CBLB: variants seen among roughly 807,000 people sequenced by gnomAD.
The protein encoded by CBLB is E3 ubiquitin-protein ligase CBL-B.
A neutral mutation model predicts 104.9 loss-of-function variants in CBLB; 31 were observed. That is an observed-to-expected ratio of 0.30 (90% CI 0.22 to 0.40). The LOEUF (loss-of-function observed/expected upper bound fraction) is 0.40, where lower values mean the gene tolerates loss of function less well. CBLB is among the 10% of genes least tolerant of loss of function. CBLB has a pLI of 1.00. For synonymous variants in CBLB, 440 were observed against 422.6 expected, an observed-to-expected ratio of 1.04 and a Z score of -0.51; for missense variants, 1,062 against 1,214.6, an observed-to-expected ratio of 0.87 and a Z score of 1.87.
intron 4 of CBLB, among the ~76,000 whole-genome samples, chr3:105,755,809 G>C (rs1025086165): frequency 1.3e-5 from 2 of 152,154 alleles, no homozygotes; most frequent in Non-Finnish European, 2.9e-5. Flanking sequence ...AGCAGCCAAA[G>C]GCCCATCCAC....
At chr3:105,726,643 A>T (rs1418750069) in intron 9 of CBLB, among the ~76,000 whole-genome samples, 4 of 151,188 alleles carry the variant, frequency 2.6e-5, no homozygotes, top group African/African-American at 7.3e-5. Context: ...CATGGTGGTT[A>T]GCTGCACCTA....
chr3:105,740,106 A>AC (rs2075377501), intron 7 of CBLB, among the ~76,000 whole-genome samples: 1 of 5,916 alleles, frequency 1.7e-4, no homozygotes, highest in South Asian at 0.033. Flanking sequence ...CATCTCAAAA[A>AC]AAAAAAAGAA....
At chr3:105,800,167 T>C (rs947193454) in intron 3 of CBLB, among the ~76,000 whole-genome samples, 2 of 152,094 alleles carry the variant, frequency 1.3e-5, no homozygotes, top group African/African-American at 4.8e-5. Context: ...CGGTGGTCAG[T>C]GGTTTTCAAA....
chr3:105,806,887 C>T (rs912863529), intron 3 of CBLB, among the ~76,000 whole-genome samples: 1 of 152,080 alleles, frequency 6.6e-6, no homozygotes, highest in Non-Finnish European at 1.5e-5. Flanking sequence ...TTCATTGTTG[C>T]TTCCAAAACT....
intron 3 of CBLB, among the ~76,000 whole-genome samples, chr3:105,837,788 G>A (rs1206454050): frequency 5.3e-5 from 8 of 151,670 alleles, no homozygotes; most frequent in African/African-American, 1.5e-4. Flanking sequence ...TTCTAAAATC[G>A]CCAGTACTCA....
Position 105,704,578 on chromosome 3 carries a change from A to G in CBLB, c.1408-405T>C, listed in dbSNP as rs181932744. ...TCGAGCTTTGTACATTCTAATACTTAGCTATTGCTTTGTTCCAAACATGTA... is the reference window on the plus strand; with the variant it reads ...TCGAGCTTTGTACATTCTAATACTTGGCTATTGCTTTGTTCCAAACATGTA... On this transcript the variant is annotated intron_variant, in intron 10 of 18. Coordinates refer to ENST00000394030, the MANE Select transcript of CBLB (RefSeq NM_170662.5). Among the ~76,000 whole-genome samples, 1,508 of 152,268 alleles carry G rather than the reference A, an allele frequency of 9.9e-3. 21 individuals are homozygous for G. The highest frequency in any genetic ancestry group is 0.026 in the South Asian group (127 of 4,822).
chr3:105,663,816 G>C (rs1458882691), intron 18 of CBLB, among the ~76,000 whole-genome samples: 1 of 151,562 alleles, frequency 6.6e-6, no homozygotes, highest in Admixed American at 6.6e-5. Flanking sequence ...AAAGAGCCAT[G>C]GTACATAGAG....
At chr3:105,751,362 G>A in intron 5 of CBLB, 100 bp downstream of exon 5, 1 of 768,310 alleles carries the variant, frequency 1.3e-6, no homozygotes, top group Non-Finnish European at 2.3e-6. Flanking sequence ...GTTTGTTTAT[G>A]TGTGTGTGTG....
chr3:105,738,709 T>C (rs1342950546), intron 7 of CBLB, among the ~76,000 whole-genome samples: 1 of 152,028 alleles, frequency 6.6e-6, no homozygotes, highest in Non-Finnish European at 1.5e-5. Flanking sequence ...TTAAAGTATA[T>C]TTTCTTAAAA....
intron 3 of CBLB, among the ~76,000 whole-genome samples, chr3:105,803,875 C>G (rs1234967392): frequency 6.6e-6 from 1 of 152,100 alleles, no homozygotes; most frequent in Admixed American, 6.5e-5. Flanking sequence ...ATACTGTCAA[C>G]TGGAAACAGT....
intron 3 of CBLB, among the ~76,000 whole-genome samples, chr3:105,803,610 C>G (rs1440377071): frequency 6.6e-6 from 1 of 152,122 alleles, no homozygotes; most frequent in Non-Finnish European, 1.5e-5. Flanking sequence ...TCCTCGAAAT[C>G]TATGAAGTAA....
At chr3:105,761,487 T>A (rs948110791) in intron 4 of CBLB, among the ~76,000 whole-genome samples, 1 of 152,208 alleles carries the variant, frequency 6.6e-6, no homozygotes, top group African/African-American at 2.4e-5. Flanking sequence ...ATTCTTGTGG[T>A]AGTAAATAAG....
chr3:105,681,311 G>T, intron 16 of CBLB, 168 bp downstream of exon 16: 1 of 650,914 alleles, frequency 1.5e-6, no homozygotes, highest in Non-Finnish European at 2.7e-6. Context: ...TCTACATGGA[G>T]TAATGGTCTC....
At chr3:105,727,234 T>G (rs1242315443) in intron 9 of CBLB, among the ~76,000 whole-genome samples, 1 of 152,238 alleles carries the variant, frequency 6.6e-6, no homozygotes, top group Non-Finnish European at 1.5e-5. Context: ...GACTTTTCAA[T>G]GATCGCCATT....
intron 3 of CBLB, among the ~76,000 whole-genome samples, chr3:105,849,788 A>C (rs1055759138): frequency 4.6e-5 from 7 of 152,150 alleles, no homozygotes; most frequent in Admixed American, 1.3e-4. Context: ...TTAATGGATG[A>C]CTTGGCTGGA....
At position 105,681,579 on chromosome 3, in the gene CBLB, C is replaced by A. The variant is rs765904011; in HGVS notation, c.2328G>T (p.Val776=). ...TTGGAGGCCTGGCAGGTGGTAATGG[C>A]ACGGGATCAGAGGCTGAATCAAAAA... ...GDVFDSASDP[V]PLPPARPPTR... Residue 776 remains valine (V), a synonymous_variant, in exon 16 of 19, where the codon GTG becomes GTT. Transcript: ENST00000394030. 1.2e-6 allele frequency: 2 copies of A among 1,614,058 alleles called. No homozygotes were observed. Among genetic ancestry groups the A allele is most frequent in the South Asian group, 2.2e-5 (2 of 91,072 alleles).
chr3:105,807,601 T>C (rs1245386938), intron 3 of CBLB, among the ~76,000 whole-genome samples: 1 of 152,118 alleles, frequency 6.6e-6, no homozygotes, highest in Non-Finnish European at 1.5e-5. Context: ...TCATACATTT[T>C]TATATACATT....
intron 3 of CBLB, among the ~76,000 whole-genome samples, chr3:105,814,844 T>C (rs1431983055): frequency 6.6e-6 from 1 of 151,812 alleles, no homozygotes; most frequent in Non-Finnish European, 1.5e-5. Context: ...AGAAAATCCA[T>C]AGTCTAAGAT....
chr3:105,669,581 G>T (rs867154337), intron 18 of CBLB, among the ~76,000 whole-genome samples: 1 of 152,236 alleles, frequency 6.6e-6, no homozygotes. Flanking sequence ...TAGCAGACGA[G>T]ACAGATAACC....
Sources: allele counts gnomAD v4.1 joint callset (sites outside exome capture counted in the v4.1 genomes callset), GRCh38; gene constraint gnomAD v4.1.1; transcripts MANE v1.5; gene names NCBI Gene and HGNC (gene_info 2026-07-23, HGNC 2026-07-21).